MSN: variants seen among roughly 807,000 people sequenced by gnomAD.
The protein encoded by MSN is epididymis luminal protein 70.
Under a neutral mutation model 48.0 loss-of-function variants are expected in MSN, and 2 were observed. The observed-to-expected ratio is 0.04, with a 90% CI of 0.02 to 0.13. The LOEUF is 0.13. Among genes scored for constraint, MSN ranks in the 10% least tolerant of loss-of-function variants. MSN has a pLI of 1.00. For synonymous variants in MSN, 146 were observed against 166.9 expected (o/e 0.87, Z 0.97); for missense variants, 267 against 470.1 (o/e 0.57, Z 3.99).
chrX:65,732,874 G>A (rs1279478385), intron 6 of MSN, among the ~76,000 whole-genome samples: 6 of 111,580 alleles, frequency 5.4e-5, no homozygotes, highest in Admixed American at 9.5e-5. Flanking sequence ...ACCTGGTGGC[G>A]TGTGATGACA....
chrX:65,701,417 T>C (rs1301173148), intron 1 of MSN, among the ~76,000 whole-genome samples: 2 of 112,023 alleles, frequency 1.8e-5, no homozygotes, highest in African/African-American at 3.2e-5. Flanking sequence ...TGGGGATCTC[T>C]GGGCCAGAAA....
intron 1 of MSN, among the ~76,000 whole-genome samples, chrX:65,622,510 G>GTTT (rs1216557190): frequency 1.3e-3 from 89 of 66,416 alleles, no homozygotes; most frequent in East Asian, 3.0e-3. Flanking sequence ...AGGCATCTTT[G>GTTT]TTTTTTTTTT....
chrX:65,648,425 C>T (rs1284976313), intron 1 of MSN, among the ~76,000 whole-genome samples: 3 of 111,394 alleles, frequency 2.7e-5, no homozygotes, highest in African/African-American at 6.5e-5. Context: ...TGGTCGTGGG[C>T]GCCTGTGATC....
intron 1 of MSN, among the ~76,000 whole-genome samples, chrX:65,687,868 G>T (rs1482472827): frequency 8.9e-6 from 1 of 111,851 alleles, no homozygotes; most frequent in Non-Finnish European, 1.9e-5. Context: ...GAAGAACCAA[G>T]CTTAAAGAAA....
In MSN at chrX:65,741,239, A is replaced by G. The variant is rs1241415666; in HGVS notation, c.*1346A>G. 1 of 166,989 alleles carries G rather than the reference A, an allele frequency of 6.0e-6. No homozygotes were observed. The highest frequency in any genetic ancestry group is 8.1e-5 in the Admixed American group (1 of 12,331). The allele number at this position is 166,989 out of a possible 1,213,427, so 13.8% of individuals were successfully genotyped here. A position where few individuals can be genotyped will look rare whatever the true frequency, so the allele number is the denominator to read the frequency against. Reference sequence around the variant, plus strand: ...CACCCCTTGCTCTCAACCCAGGAGCATCCACCTCCTTCTCTGTCTCATGTG... The same window carrying G: ...CACCCCTTGCTCTCAACCCAGGAGCGTCCACCTCCTTCTCTGTCTCATGTG... On this transcript the variant is annotated 3_prime_UTR_variant, in exon 13 of 13. Coordinates refer to ENST00000360270, the MANE Select transcript of MSN (RefSeq NM_002444.3).
In MSN at chrX:65,647,156, A is replaced by G. The variant is rs543036529; in HGVS notation, c.-22+58544A>G. ...AAGACTCAAATAATTGTATATTTGC[A>G]AACTGTAGTAAGTTAGTAAGTTCTA... On this transcript the variant is annotated intron_variant, in intron 1 of 3. Transcript: ENST00000609672. Among the ~76,000 whole-genome samples, 34 of 110,985 alleles carry G rather than the reference A, an allele frequency of 3.1e-4. No individual in the cohort carries two copies. The South Asian group carries it at 0.013, about 42-fold the overall frequency.
intron 1 of MSN, among the ~76,000 whole-genome samples, chrX:65,683,393 GCCACCACCACCACCACCACCACCA>G (rs535010759): frequency 3.2e-4 from 29 of 91,315 alleles, no homozygotes; most frequent in South Asian, 1.0e-3. Context: ...TGCCGCCGCC[GCCACCACCACCACCACCACCACCA>G]CCACCACCAC....
intron 1 of MSN, among the ~76,000 whole-genome samples, chrX:65,656,989 A>G (rs748293234): frequency 1.8e-5 from 2 of 112,065 alleles, no homozygotes; most frequent in African/African-American, 6.5e-5. Flanking sequence ...AGATCACCAA[A>G]TGACCATGTG....
chrX:65,636,174 A>C (rs1343807155), intron 1 of MSN, among the ~76,000 whole-genome samples: 1 of 111,461 alleles, frequency 9.0e-6, no homozygotes, highest in African/African-American at 3.3e-5. Flanking sequence ...GGTGGGGTGC[A>C]GGGGAGAGGC....
chrX:65,670,244 T>A, intron 1 of MSN, among the ~76,000 whole-genome samples: 1 of 111,796 alleles, frequency 8.9e-6, no homozygotes, highest in East Asian at 2.8e-4. Context: ...GGGGAAAAAA[T>A]TTCCCTTTCT....
intron 1 of MSN, among the ~76,000 whole-genome samples, chrX:65,590,231 G>C (rs2070135409): frequency 1.8e-5 from 2 of 111,230 alleles, no homozygotes; most frequent in Admixed American, 1.9e-4. Context: ...GGAGGAGTTG[G>C]CTTATTGGGG....
At chrX:65,674,242 T>C (rs2070973123) in intron 1 of MSN, among the ~76,000 whole-genome samples, 1 of 111,263 alleles carries the variant, frequency 9.0e-6, no homozygotes, top group Non-Finnish European at 1.9e-5. Context: ...CTTTAGAGAG[T>C]AATTTCTTCA....
intron 1 of MSN, among the ~76,000 whole-genome samples, chrX:65,612,770 A>T (rs2070331290): frequency 9.2e-6 from 1 of 108,221 alleles, no homozygotes; most frequent in South Asian, 4.0e-4. Context: ...CATGTTAGCC[A>T]GACTGGTCTC....
At chrX:65,686,570 C>T in intron 1 of MSN, among the ~76,000 whole-genome samples, 1 of 112,818 alleles carries the variant, frequency 8.9e-6, no homozygotes, top group East Asian at 2.8e-4. Flanking sequence ...ATTTTTTGGG[C>T]TACTTGAGAA....
intron 1 of MSN, among the ~76,000 whole-genome samples, chrX:65,708,138 G>A (rs145952865): frequency 7.8e-4 from 86 of 110,524 alleles, no homozygotes; most frequent in African/African-American, 2.8e-3. Context: ...GGTGTGAGCT[G>A]CTGTACCCAG....
At chrX:65,699,642 G>A (rs1413363367) in intron 1 of MSN, among the ~76,000 whole-genome samples, 2 of 108,160 alleles carry the variant, frequency 1.8e-5, no homozygotes, top group Admixed American at 2.0e-4. Flanking sequence ...CCAGCTACTC[G>A]GAAGGCTGAG....
chrX:65,641,550 G>GCATATA (rs2070651084), intron 1 of MSN, among the ~76,000 whole-genome samples: 1 of 15,384 alleles, frequency 6.5e-5, no homozygotes, highest in East Asian at 7.9e-3. Context: ...AAAAAGTGAA[G>GCATATA]TATATATATA....
intron 1 of MSN, among the ~76,000 whole-genome samples, chrX:65,656,514 T>C (rs1221815691): frequency 9.0e-6 from 1 of 111,508 alleles, no homozygotes; most frequent in Non-Finnish European, 1.9e-5. Flanking sequence ...CAACCTGTCA[T>C]GAGCTCCAAG....
At chrX:65,670,587 G>C (rs375581346) in intron 1 of MSN, among the ~76,000 whole-genome samples, 1 of 108,584 alleles carries the variant, frequency 9.2e-6, no homozygotes, top group South Asian at 4.1e-4. Flanking sequence ...GCTGGGCGTG[G>C]TGGTGTGCGC....
Sources: allele counts gnomAD v4.1 joint callset (sites outside exome capture counted in the v4.1 genomes callset), GRCh38; gene constraint gnomAD v4.1.1; transcripts MANE v1.5; gene names NCBI Gene and HGNC (gene_info 2026-07-23, HGNC 2026-07-21).